The following CNTN4 variants were observed in gnomAD, a reference collection of about 807,000 sequenced individuals.
CNTN4 encodes the protein contactin 4.
CNTN4 carries 77 observed loss-of-function variants against 122.5 expected under a neutral mutation model. That is an observed-to-expected ratio of 0.63 (90% confidence interval 0.52 to 0.76). The LOEUF (loss-of-function observed/expected upper bound fraction) is 0.76, where lower values mean the gene tolerates loss of function less well. CNTN4 is among the 30% of genes least tolerant of loss of function. The pLI is 0.00. For synonymous variants in CNTN4, 512 were observed against 447.0 expected (o/e 1.15, Z -1.83); for missense variants, 1,256 against 1,259.1 (o/e 1.00, Z 0.04).
At position 2,594,709 on chromosome 3, in the gene CNTN4, C is replaced by T. The variant is rs59312386; in HGVS notation, c.55+23151C>T. Among the ~76,000 whole-genome samples the T allele has an allele frequency of 4.4e-3, 673 of 152,208 alleles. 10 individuals carry two copies. Among genetic ancestry groups the T allele is most frequent in the African/African-American group, 0.015 (637 of 41,542 alleles). ...TGCTGGGATTACAGGCATGAGCCAC[C>T]GCACTGGCCAACAAAATGGATCTTG... On this transcript the variant is annotated intron_variant, in intron 4 of 24. Transcript: ENST00000418658.
chr3:3,033,103 T>A (rs1482216904), intron 16 of CNTN4, among the ~76,000 whole-genome samples: 1 of 152,124 alleles, frequency 6.6e-6, no homozygotes, highest in East Asian at 1.9e-4. Flanking sequence ...TTTCTATTTG[T>A]GGTACTTAGA....
chr3:2,105,218 A>C (rs1559245133), intron 2 of CNTN4, among the ~76,000 whole-genome samples: 1 of 152,128 alleles, frequency 6.6e-6, no homozygotes, highest in African/African-American at 2.4e-5. Context: ...CCAAAAAGAG[A>C]ACCTAGACCT....
At chr3:2,210,494 C>A (rs1017525489) in intron 2 of CNTN4, among the ~76,000 whole-genome samples, 7 of 152,230 alleles carry the variant, frequency 4.6e-5, no homozygotes, top group African/African-American at 1.7e-4. Flanking sequence ...GTACATTTTC[C>A]ACACAATGTA....
In CNTN4 at chr3:2,915,815, G is replaced by T. The variant is rs142926491; in HGVS notation, c.1208-9814G>T. ...GAAGCAACCTAAATGTCCATGGATAGTTGAAAGGATAGAGGAAATGTGTTT... is the reference window on the plus strand; with the variant it reads ...GAAGCAACCTAAATGTCCATGGATATTTGAAAGGATAGAGGAAATGTGTTT... On this transcript the variant is annotated intron_variant, in intron 12 of 24. Transcript: ENST00000418658. 1.6e-3 allele frequency among the ~76,000 whole-genome samples: 245 copies of T among 152,322 alleles called. 2 individuals are homozygous for T. The highest frequency in any genetic ancestry group is 5.7e-3 in the African/African-American group (239 of 41,570).
chr3:2,193,798 A>T (rs745334438), intron 2 of CNTN4, among the ~76,000 whole-genome samples: 1 of 152,174 alleles, frequency 6.6e-6, no homozygotes, highest in Non-Finnish European at 1.5e-5. Context: ...ATTTGTTTAG[A>T]TACACAAATA....
rs2039365456 is a variant in CNTN4 at position 2,228,384 on chromosome 3, TCTCA to T, written c.-144-110789_-144-110786del. ...TAAATAAAACTTTATTGGGACACAG[TCTCA>T]CTCATTTGTTTAAGTATTGGCTGTT... is the stretch of plus-strand genomic sequence containing the variant. On this transcript the variant is annotated intron_variant, in intron 2 of 24. Coordinates refer to ENST00000418658, the MANE Select transcript of CNTN4 (RefSeq NM_175607.3). Among the ~76,000 whole-genome samples, 7 of 152,248 alleles carry T rather than the reference TCTCA, an allele frequency of 4.6e-5. No individual in the cohort carries two copies. The South Asian group carries it at 1.5e-3, about 32-fold the overall frequency.
At chr3:2,835,563 A>G (rs2093207086) in intron 7 of CNTN4, among the ~76,000 whole-genome samples, 1 of 152,164 alleles carries the variant, frequency 6.6e-6, no homozygotes, top group African/African-American at 2.4e-5. Context: ...TTCCGCCATA[A>G]TGCAATTAAA....
At chr3:2,181,683 CT>C (rs946848945) in intron 2 of CNTN4, among the ~76,000 whole-genome samples, 1 of 152,064 alleles carries the variant, frequency 6.6e-6, no homozygotes, top group African/African-American at 2.4e-5. Context: ...CTTTTCATCA[CT>C]GATGGATTAG....
At chr3:2,368,969 G>A (rs924735046) in intron 3 of CNTN4, among the ~76,000 whole-genome samples, 2 of 152,122 alleles carry the variant, frequency 1.3e-5, no homozygotes, top group Non-Finnish European at 2.9e-5. Context: ...CTGTTGCCCA[G>A]GTTGGAGTGC....
chr3:2,836,203 A>C (rs999647422), intron 7 of CNTN4, among the ~76,000 whole-genome samples: 2 of 152,198 alleles, frequency 1.3e-5, no homozygotes, highest in African/African-American at 4.8e-5. Context: ...TTATGGAAGG[A>C]ATTGAAAGTT....
chr3:2,306,974 G>T (rs373619444), intron 2 of CNTN4, among the ~76,000 whole-genome samples: 3 of 152,100 alleles, frequency 2.0e-5, no homozygotes, highest in South Asian at 2.1e-4. Flanking sequence ...TTGTATCCTA[G>T]AATTTTGCTT....
At chr3:2,481,837 C>G (rs1012455418) in intron 3 of CNTN4, among the ~76,000 whole-genome samples, 13 of 152,138 alleles carry the variant, frequency 8.5e-5, no homozygotes, top group Admixed American at 7.9e-4. Context: ...CACTCATTCT[C>G]TCTCCTGCCG....
chr3:2,648,796 G>C (rs560825285), intron 4 of CNTN4, among the ~76,000 whole-genome samples: 1 of 152,334 alleles, frequency 6.6e-6, no homozygotes, highest in East Asian at 1.9e-4. Flanking sequence ...GCCAAGACAG[G>C]CTGAAAGCTA....
intron 4 of CNTN4, among the ~76,000 whole-genome samples, chr3:2,676,231 G>A (rs1017402390): frequency 2.0e-5 from 3 of 146,556 alleles, no homozygotes; most frequent in African/African-American, 5.0e-5. Flanking sequence ...TTTTTTTTTT[G>A]TGGTGGGGGG....
intron 2 of CNTN4, among the ~76,000 whole-genome samples, chr3:2,302,448 T>C (rs2042559339): frequency 6.6e-6 from 1 of 152,068 alleles, no homozygotes; most frequent in South Asian, 2.1e-4. Context: ...CAAACAGACA[T>C]CTTAGAATTG....
chr3:2,829,800 C>A (rs1332309146), intron 7 of CNTN4, among the ~76,000 whole-genome samples: 1 of 152,140 alleles, frequency 6.6e-6, no homozygotes, highest in Non-Finnish European at 1.5e-5. Flanking sequence ...TATAGCTGAG[C>A]TTCCAGTTTC....
At chr3:2,250,841 A>G (rs1478632362) in intron 2 of CNTN4, among the ~76,000 whole-genome samples, 1 of 151,910 alleles carries the variant, frequency 6.6e-6, no homozygotes, top group South Asian at 2.1e-4. Flanking sequence ...CCAATGATCA[A>G]TATAATACCT....
Position 2,385,426 on chromosome 3 carries a change from T to C in CNTN4, c.-89+46193T>C, listed in dbSNP as rs1418926981. Reference sequence around the variant, plus strand: ...ACTATTACCTGAGCAATATTCCTGGTGTCTTGTTCATAGCAGATGCTTGTA... The same window carrying C: ...ACTATTACCTGAGCAATATTCCTGGCGTCTTGTTCATAGCAGATGCTTGTA... On this transcript the variant is annotated intron_variant, in intron 3 of 24. Coordinates refer to ENST00000418658, the MANE Select transcript of CNTN4 (RefSeq NM_175607.3). The surrounding 1 kb of genome is among the most constrained non-coding windows in gnomAD (Gnocchi z 4.0). 6.6e-6 allele frequency among the ~76,000 whole-genome samples: 1 copy of C among 152,096 alleles called. No individual in the cohort carries two copies. Among genetic ancestry groups the C allele is most frequent in the Non-Finnish European group, 1.5e-5 (1 of 68,030 alleles).
chr3:2,528,573 C>A (rs188210329), intron 3 of CNTN4, among the ~76,000 whole-genome samples: 15 of 152,112 alleles, frequency 9.9e-5, no homozygotes, highest in African/African-American at 3.6e-4. Flanking sequence ...CTTTACTGAC[C>A]CATTTTATTA....
Sources: gnomAD v4.1 joint callset for allele counts (sites outside exome capture counted in the v4.1 genomes callset) on GRCh38, gnomAD v4.1.1 for gene constraint, Gnocchi (gnomAD v3.1) non-coding constraint, MANE v1.5 for transcripts, NCBI Gene and HGNC (gene_info 2026-07-23, HGNC 2026-07-21) for gene names.